The following TLE3 variants were observed in gnomAD, a reference collection of about 807,000 sequenced individuals.
The protein encoded by TLE3 is TLE family member 3, transcriptional corepressor, also known as transducin-like enhancer protein 3.
In TLE3, 14 loss-of-function variants were observed where a neutral mutation model predicts 93.0. The observed-to-expected ratio is 0.15, with a 90% CI of 0.10 to 0.24. The LOEUF (loss-of-function observed/expected upper bound fraction) is 0.24. TLE3 is among the 10% of genes least tolerant of loss of function. TLE3 has a pLI of 1.00. For missense variants in TLE3, 693 were observed against 1,046.6 expected (o/e 0.66, Z 4.66); for synonymous variants, 451 against 425.0 (o/e 1.06, Z -0.75).
chr15:70,096,973 A>G lies in TLE3; in HGVS notation c.-175T>C, dbSNP rs1485514149. Reference sequence around the variant, plus strand: ...ATCCCAGAGTCGGGCGCCCGCCCCAAGTGGAGACAAAGAGCCGCGGAGCAG... The same window carrying G: ...ATCCCAGAGTCGGGCGCCCGCCCCAGGTGGAGACAAAGAGCCGCGGAGCAG... On this transcript the variant is annotated 5_prime_UTR_variant, in exon 1 of 20. Coordinates refer to ENST00000451782, the MANE Select transcript of TLE3 (RefSeq NM_001105192.3). The G allele has an allele frequency of 1.1e-5, 7 of 650,574 alleles. No homozygotes were observed. In the Admixed American group the frequency reaches 1.5e-4, roughly 14 times the overall value. 40.3% of individuals were successfully genotyped at this position (650,574 alleles called of 1,614,324 possible).
chr15:70,066,288 G>T, intron 6 of TLE3, 70 bp from the exon 7 acceptor site: 1 of 1,339,418 alleles, frequency 7.5e-7, no homozygotes, highest in Non-Finnish European at 9.9e-7. Flanking sequence ...CCTCAGGAGG[G>T]AGGGAGGGAG....
chr15:70,073,345 T>G (rs922756102), intron 6 of TLE3, among the ~76,000 whole-genome samples: 1 of 152,178 alleles, frequency 6.6e-6, no homozygotes, highest in African/African-American at 2.4e-5. Flanking sequence ...CCTCCAGGTC[T>G]CTGCCCCAGG....
intron 6 of TLE3, 179 bp downstream of exon 6, chr15:70,074,354 A>G: frequency 3.0e-6 from 2 of 656,044 alleles, no homozygotes; most frequent in Middle Eastern, 2.6e-4. Flanking sequence ...GGCAACTGGG[A>G]GCCAAGGGGG....
chr15:70,074,359 A>T, intron 6 of TLE3, 174 bp downstream of exon 6: 1 of 684,466 alleles, frequency 1.5e-6, no homozygotes, highest in Non-Finnish European at 2.3e-6. Context: ...CTGGGAGCCA[A>T]GGGGGAAACA....
Position 70,096,872 on chromosome 15 carries a change from G to C in TLE3, c.-74C>G. The C allele has an allele frequency of 1.9e-6, 3 of 1,544,502 alleles. No homozygotes were observed. The highest frequency in any genetic ancestry group is 2.6e-6 in the Non-Finnish European group (3 of 1,136,718). On this transcript the variant is annotated 5_prime_UTR_variant, in exon 1 of 20. Coordinates refer to ENST00000451782, the MANE Select transcript of TLE3 (RefSeq NM_001105192.3). ...GGCCGGGGAGGTGCGGGGGAGGGGG[G>C]AGCCGAGCCCGAGCGGGGGGCGGCC...
chr15:70,095,512 T>C (rs1206649231), intron 3 of TLE3, 66 bp downstream of exon 3: 12 of 1,546,574 alleles, frequency 7.8e-6, no homozygotes, highest in East Asian at 7.4e-5. Flanking sequence ...TCTCCCCAGA[T>C]CCACGCCGCG....
rs372259907 is a variant in TLE3 at position 70,096,847 on chromosome 15, G to A, written c.-49C>T. The A allele has an allele frequency of 6.2e-7, 1 of 1,603,094 alleles. No homozygotes were observed. ...AGAGCGTGGAAGCGCCGAGAGCCCG[G>A]GCCGGGGAGGTGCGGGGGAGGGGGG... On this transcript the variant is annotated 5_prime_UTR_variant, in exon 1 of 20. Transcript: ENST00000451782.
At chr15:70,057,752 A>G in intron 12 of TLE3, 94 bp from the exon 13 acceptor site, 7 of 1,443,920 alleles carry the variant, frequency 4.8e-6, no homozygotes, top group Non-Finnish European at 6.5e-6. Context: ...TGCATTCTTA[A>G]GCTGCCTGCT....
intron 19 of TLE3, chr15:70,050,929 GC>G (rs2055472723): frequency 6.2e-6 from 1 of 161,618 alleles, no homozygotes; most frequent in African/African-American, 2.4e-5. Context: ...ATTATAAAAA[GC>G]CTCTTCCTTT....
At position 70,091,295 on chromosome 15, in the gene TLE3, A is replaced by G. The variant is rs34139699; in HGVS notation, c.234+3237T>C. Among the ~76,000 whole-genome samples the G allele has an allele frequency of 3.0e-3, 461 of 152,396 alleles. 1 individual carries two copies. The highest frequency in any genetic ancestry group is 4.7e-3 in the Non-Finnish European group (320 of 68,044). ...TTCAAAAATGTCAGTGCTCACCAAC[A>G]GTGGGTGAAAAGGCTGCCTGACCCA... On this transcript the variant is annotated intron_variant, in intron 4 of 19. Transcript: ENST00000451782.
intron 5 of TLE3, 99 bp downstream of exon 5, chr15:70,075,997 A>AGGCTGG (rs767033270): frequency 1.2e-5 from 14 of 1,128,608 alleles, no homozygotes; most frequent in Admixed American, 1.8e-5. Context: ...ACAGGGGCTG[A>AGGCTGG]GGCTGGGGCT....
chr15:70,066,103 C>G lies in TLE3; in HGVS notation c.488G>C (p.Ser163Thr). ...GGCGCCCAGTGCCAGCAGCCCGGAG[C>G]TGCTCCCTGTCACTGGGGGGATTCC... Reference protein sequence around the residue: ...PPGIPPVTGSSSGLLALGALG... With the variant: ...PPGIPPVTGSTSGLLALGALG... The change falls in exon 7 of 20, where the codon AGC becomes ACC. Residue 163 changes from serine (S) to threonine (T), a missense_variant. Physicochemically the swap from Ser to Thr is moderately conservative, Grantham distance 58. Coordinates refer to ENST00000451782, the MANE Select transcript of TLE3 (RefSeq NM_001105192.3). 1 of 1,580,576 alleles carries G rather than the reference C, an allele frequency of 6.3e-7. No homozygotes were observed. Among genetic ancestry groups the G allele is most frequent in the Non-Finnish European group, 8.6e-7 (1 of 1,162,374 alleles).
chr15:70,058,537 AG>A lies in TLE3; in HGVS notation c.918+125del. 7.2e-7 allele frequency: 1 copy of A among 1,386,124 alleles called. No individual in the cohort carries two copies. The highest frequency in any genetic ancestry group is 2.5e-5 in the East Asian group (1 of 39,812). The allele number at this position is 1,386,124 out of a possible 1,614,324, so 85.9% of individuals were successfully genotyped here. On this transcript the variant is annotated intron_variant, in intron 11 of 19. Transcript: ENST00000451782. This position sits in a 1 kb window ranked among gnomAD's most constrained non-coding sequence, Gnocchi z 4.1. ...TTAGCACAGGCCCAGCAGGCACAGA[AG>A]GTAAACCGGGGCCAATCACCCACCC...
At chr15:70,084,350 G>C (rs999839729) in intron 4 of TLE3, among the ~76,000 whole-genome samples, 9 of 152,242 alleles carry the variant, frequency 5.9e-5, no homozygotes, top group African/African-American at 4.8e-5. Flanking sequence ...GATTAGAAAT[G>C]CTGTTAAACA....
In TLE3 at chr15:70,053,207, A is replaced by G; in HGVS notation, c.1974+20T>C. 6.2e-7 allele frequency: 1 copy of G among 1,602,830 alleles called. No homozygotes were observed. Among genetic ancestry groups the G allele is most frequent in the Admixed American group, 1.7e-5 (1 of 58,812 alleles). On this transcript the variant is annotated intron_variant, in intron 17 of 19. Coordinates refer to ENST00000451782, the MANE Select transcript of TLE3 (RefSeq NM_001105192.3). ...GGAACACACTGCTCTTTGGGAAGGG[A>G]GGAGTCTTGGGCCGCACACCTGGGA...
rs1233556933 is a variant in TLE3 at position 70,058,832 on chromosome 15, T to A, written c.766-17A>T. On this transcript the variant is annotated splice_polypyrimidine_tract_variant and intron_variant, in intron 10 of 19. Coordinates refer to ENST00000451782, the MANE Select transcript of TLE3 (RefSeq NM_001105192.3). This position sits in a 1 kb window ranked among gnomAD's most constrained non-coding sequence, Gnocchi z 4.1. ...TGCGGGGTCCTGAAAACACAAGTGA[T>A]GCAGAGATGCACTGAAAGCAACAGC... 9.0e-6 allele frequency: 14 copies of A among 1,548,954 alleles called. No individual in the cohort carries two copies. Among genetic ancestry groups the A allele is most frequent in the Non-Finnish European group, 1.2e-5 (14 of 1,150,392 alleles).
Position 70,064,375 on chromosome 15 carries a change from C to T in TLE3, c.594+79G>A, listed in dbSNP as rs546121014. On this transcript the variant is annotated intron_variant, in intron 8 of 19. Coordinates refer to ENST00000451782, the MANE Select transcript of TLE3 (RefSeq NM_001105192.3). ...GGATACCGACTGACTGGTCTCAGGC[C>T]CGCGATTCTGGGAGCCCCGAGTCCC... 4.4e-6 allele frequency: 7 copies of T among 1,576,332 alleles called. No homozygotes were observed. The South Asian group carries it at 5.6e-5, about 13-fold the overall frequency.
Position 70,074,536 on chromosome 15 carries a change from G to A in TLE3, c.369C>T (p.Ile123=), listed in dbSNP as rs753116294. Residue 123 remains isoleucine (I), a synonymous_variant, in exon 6 of 20, where the codon ATC becomes ATT. Coordinates refer to ENST00000451782, the MANE Select transcript of TLE3 (RefSeq NM_001105192.3). Reference sequence around the variant, plus strand: ...GCAGATTGGGGAGTCCACGTACCCCGATGATGGCGTTCAGCTCCGTCATGG... The same window carrying A: ...GCAGATTGGGGAGTCCACGTACCCCAATGATGGCGTTCAGCTCCGTCATGG... The part of the protein sequence containing the change: ...QVTMTELNAI[I]GQQQLQAQHL... The A allele has an allele frequency of 8.7e-6, 14 of 1,611,916 alleles. No individual in the cohort carries two copies. Among genetic ancestry groups the A allele is most frequent in the Middle Eastern group, 1.6e-4 (1 of 6,084 alleles).
At chr15:70,093,360 G>A (rs2058390752) in intron 4 of TLE3, among the ~76,000 whole-genome samples, 1 of 152,228 alleles carries the variant, frequency 6.6e-6, no homozygotes, top group South Asian at 2.1e-4. Flanking sequence ...CCACCCGAGT[G>A]GGTAGGAATC....
Sources: gnomAD v4.1 joint callset for allele counts (sites outside exome capture counted in the v4.1 genomes callset) on GRCh38, gnomAD v4.1.1 for gene constraint, Gnocchi (gnomAD v3.1) non-coding constraint, MANE v1.5 for transcripts, NCBI Gene and HGNC (gene_info 2026-07-23, HGNC 2026-07-21) for gene names.